The following CAMSAP1 variants were observed in gnomAD, a reference collection of about 807,000 sequenced individuals.
The protein encoded by CAMSAP1 is calmodulin regulated spectrin associated protein 1.
In CAMSAP1, 58 loss-of-function variants were observed where a neutral mutation model predicts 143.5. The observed-to-expected ratio is 0.40, with a 90% CI of 0.33 to 0.50. The LOEUF (loss-of-function observed/expected upper bound fraction) is 0.50. CAMSAP1 is among the 20% of genes least tolerant of loss of function. The probability of loss-of-function intolerance (pLI) is 0.45; values close to 1 mark genes in which losing one functional copy is unlikely to be tolerated. For synonymous variants in CAMSAP1, 945 were observed against 859.3 expected (o/e 1.10, Z -1.74); for missense variants, 1,969 against 2,115.7 (o/e 0.93, Z 1.36).
rs1158047137 is a variant in CAMSAP1, at chr9:135,818,077, C to G, written c.4171G>C (p.Asp1391His). ...CCTGACTGAGTCCGGCTCAAGTTAT[C>G]AGCTGCCAGAGACAGAAACAGACGA... ...DSGTKCSSTP[D>H]NLSRTQSGSS... The change falls in exon 14 of 17, where the codon GAT becomes CAT. Residue 1391 changes from aspartate to histidine, a missense_variant and splice_region_variant. Transcript: ENST00000389532. This position sits in a 1 kb window ranked among gnomAD's most constrained non-coding sequence, Gnocchi z 7.7. 1 of 1,613,676 alleles carries G rather than the reference C, an allele frequency of 6.2e-7. No individual in the cohort carries two copies. Among genetic ancestry groups the G allele is most frequent in the Non-Finnish European group, 8.5e-7 (1 of 1,179,816 alleles).
rs955339567 is a variant in CAMSAP1, at chr9:135,809,512, T to C, written c.*1797A>G. ...GGTAAAGAACAATGTGAAACTCCTA[T>C]AAAGCAAGGAGTTGGTGTCGCCTGG... is the stretch of plus-strand genomic sequence containing the variant. On this transcript the variant is annotated 3_prime_UTR_variant, in exon 17 of 17. Transcript: ENST00000389532. 4 of 152,466 alleles carry C rather than the reference T, an allele frequency of 2.6e-5. No homozygotes were observed. Among genetic ancestry groups the C allele is most frequent in the Non-Finnish European group, 5.9e-5 (4 of 68,034 alleles). The allele number at this position is 152,466 out of a possible 1,614,324, so 9.4% of individuals were successfully genotyped here. A position where few individuals can be genotyped will look rare whatever the true frequency, so the allele number is the denominator to read the frequency against.
At chr9:135,870,906 T>C (rs1837549473) in intron 3 of CAMSAP1, among the ~76,000 whole-genome samples, 3 of 152,240 alleles carry the variant, frequency 2.0e-5, no homozygotes, top group African/African-American at 4.8e-5. Context: ...CATTAATTGA[T>C]GATAGTTTCA....
At chr9:135,893,945 G>C (rs1008633766) in intron 1 of CAMSAP1, among the ~76,000 whole-genome samples, 9 of 152,166 alleles carry the variant, frequency 5.9e-5, no homozygotes, top group African/African-American at 2.2e-4. Context: ...AAGCAAACTG[G>C]CTTAGGGCCT....
intron 5 of CAMSAP1, among the ~76,000 whole-genome samples, chr9:135,853,868 T>A (rs1478542715): frequency 1.3e-5 from 2 of 152,130 alleles, no homozygotes; most frequent in African/African-American, 2.4e-5. Context: ...TCCAATCAAG[T>A]CCCTATGAGG....
chr9:135,869,709 T>C (rs908480959), intron 3 of CAMSAP1, among the ~76,000 whole-genome samples: 2 of 152,024 alleles, frequency 1.3e-5, no homozygotes, highest in Admixed American at 6.5e-5. Context: ...AATGAAAACA[T>C]GTATTCACAC....
intron 1 of CAMSAP1, among the ~76,000 whole-genome samples, chr9:135,903,167 G>A (rs886951927): frequency 6.6e-6 from 1 of 152,186 alleles, no homozygotes; most frequent in African/African-American, 2.4e-5. Flanking sequence ...CTAGTCCAGC[G>A]TGCTATGCGG....
Position 135,861,324 on chromosome 9 carries a change from T to TC in CAMSAP1, c.808+1142dup, listed in dbSNP as rs1303448797. Among the ~76,000 whole-genome samples, 421 of 130,026 alleles carry TC rather than the reference T, an allele frequency of 3.2e-3. 1 individual carries two copies. Among genetic ancestry groups the TC allele is most frequent in the Non-Finnish European group, 4.1e-3 (259 of 62,714 alleles). 85.3% of individuals were successfully genotyped at this position (130,026 alleles called of 152,430 possible). On this transcript the variant is annotated intron_variant, in intron 5 of 16. Transcript: ENST00000389532. ...CTCCTTCTTCCTTTTTTTTTTTTTT[T>TC]CCCCCCGAGACAGAGTCTCGCTCTG...
At chr9:135,881,511 T>C (rs1837947669) in intron 3 of CAMSAP1, 122 bp downstream of exon 3, 3 of 1,154,948 alleles carry the variant, frequency 2.6e-6, no homozygotes, top group Non-Finnish European at 3.7e-6. Flanking sequence ...GGACACAAAA[T>C]ATGACTGGTC....
Position 135,826,236 on chromosome 9 carries a change from A to C in CAMSAP1, c.1223+1171T>G, listed in dbSNP as rs1309795882. On this transcript the variant is annotated intron_variant, in intron 8 of 16. Coordinates refer to ENST00000389532, the MANE Select transcript of CAMSAP1 (RefSeq NM_015447.4). The surrounding 1 kb of genome is among the most constrained non-coding windows in gnomAD (Gnocchi z 4.4). ...CACACGGCTCAACAACAGACACGCA[A>C]AGACCGAAGGGAGGACGCCAAGTGT... 1 of 152,500 alleles carries C rather than the reference A, an allele frequency of 6.6e-6. No homozygotes were observed. The highest frequency in any genetic ancestry group is 1.9e-4 in the East Asian group (1 of 5,186). 9.4% of individuals were successfully genotyped at this position (152,500 alleles called of 1,614,324 possible).
At chr9:135,827,732 A>G in intron 7 of CAMSAP1, 148 bp from the exon 8 acceptor site, 1 of 659,332 alleles carries the variant, frequency 1.5e-6, no homozygotes, top group Admixed American at 3.2e-5. Context: ...TAACAAATGT[A>G]TTCTGTAATA....
At chr9:135,864,931 C>A (rs1029326988) in intron 4 of CAMSAP1, among the ~76,000 whole-genome samples, 2 of 152,182 alleles carry the variant, frequency 1.3e-5, no homozygotes, top group Non-Finnish European at 2.9e-5. Flanking sequence ...CCTGGACCAC[C>A]CAGCTGATGG....
Position 135,819,150 on chromosome 9 carries a change from C to A in CAMSAP1, c.3823-4G>T. 1 of 1,600,090 alleles carries A rather than the reference C, an allele frequency of 6.2e-7. No homozygotes were observed. The highest frequency in any genetic ancestry group is 8.5e-7 in the Non-Finnish European group (1 of 1,174,868). ...CATCTTCCGCTTTCTGTTCATCCTG[C>A]AAGACAGAGGCCACACAGAGCATGA... On this transcript the variant is annotated splice_polypyrimidine_tract_variant and splice_region_variant and intron_variant, in intron 11 of 16. Coordinates refer to ENST00000389532, the MANE Select transcript of CAMSAP1 (RefSeq NM_015447.4).
rs935254231 is a variant in CAMSAP1, at chr9:135,907,444, G to T, written c.-285C>A. On this transcript the variant is annotated 5_prime_UTR_variant, in exon 1 of 17. Transcript: ENST00000389532. ...GCCGGGGGCGGGGGCGGGCGCGGGG[G>T]CGGGAGCGGGCCGGGGGCGGTGGCA... Among the ~76,000 whole-genome samples the T allele has an allele frequency of 6.8e-6, 1 of 146,078 alleles. No individual in the cohort carries two copies. Among genetic ancestry groups the T allele is most frequent in the South Asian group, 2.1e-4 (1 of 4,790 alleles).
Position 135,820,925 on chromosome 9 carries a change from C to T in CAMSAP1, c.3736G>A (p.Glu1246Lys), listed in dbSNP as rs781710864. The T allele has an allele frequency of 5.0e-6, 8 of 1,613,712 alleles. No individual in the cohort carries two copies. Among genetic ancestry groups the T allele is most frequent in the African/African-American group, 1.3e-5 (1 of 74,946 alleles). Residue 1246 changes from glutamate to lysine, a missense_variant, in exon 11 of 17, where the codon GAG (glutamate) becomes AAG (lysine). Physicochemically the swap from Glu to Lys is moderately conservative, Grantham distance 56 (BLOSUM62 1). Transcript: ENST00000389532. The surrounding 1 kb of genome is among the most constrained non-coding windows in gnomAD (Gnocchi z 4.4). The part of the protein sequence containing the change: ...VDLSDLKAPD[E>K]DGELVSLDGS... ...TCGAGGCTTACCAGCTCCCCATCCT[C>T]GTCGGGGGCCTTCAGGTCGGAGAGG... is the stretch of plus-strand genomic sequence containing the variant.
chr9:135,877,193 G>C (rs1485265359), intron 3 of CAMSAP1, among the ~76,000 whole-genome samples: 1 of 151,904 alleles, frequency 6.6e-6, no homozygotes, highest in African/African-American at 2.4e-5. Flanking sequence ...CAATGCCACA[G>C]GTCAATCTCA....
At chr9:135,887,809 T>C (rs763130794) in intron 1 of CAMSAP1, among the ~76,000 whole-genome samples, 12 of 145,288 alleles carry the variant, frequency 8.3e-5, no homozygotes, top group Non-Finnish European at 1.5e-4. Context: ...CAGGGGCCCA[T>C]GGAGACTGGA....
intron 1 of CAMSAP1, among the ~76,000 whole-genome samples, chr9:135,888,979 T>C (rs1388325501): frequency 6.6e-6 from 1 of 152,182 alleles, no homozygotes; most frequent in Non-Finnish European, 1.5e-5. Flanking sequence ...CAGACTTGGC[T>C]TCCAGCCAGA....
In CAMSAP1 at chr9:135,818,260, C is replaced by T; in HGVS notation, c.4168+148G>A. 1 of 1,115,026 alleles carries T rather than the reference C, an allele frequency of 9.0e-7. No individual in the cohort carries two copies. Among genetic ancestry groups the T allele is most frequent in the South Asian group, 1.6e-5 (1 of 64,284 alleles). 69.1% of individuals were successfully genotyped at this position (1,115,026 alleles called of 1,614,324 possible). ...CCGCACATCTCAGAGCATCTGGTCTCAACATTGTCATCCATGAAACGGGGA... is the reference window on the plus strand; with the variant it reads ...CCGCACATCTCAGAGCATCTGGTCTTAACATTGTCATCCATGAAACGGGGA... On this transcript the variant is annotated intron_variant, in intron 13 of 16. Transcript: ENST00000389532. The surrounding 1 kb of genome is among the most constrained non-coding windows in gnomAD (Gnocchi z 7.7).
At chr9:135,896,059 T>C (rs1246627472) in intron 1 of CAMSAP1, among the ~76,000 whole-genome samples, 1 of 152,190 alleles carries the variant, frequency 6.6e-6, no homozygotes, top group Non-Finnish European at 1.5e-5. Flanking sequence ...TTGTTAACAA[T>C]ATAATGTTAT....
Sources: allele counts gnomAD v4.1 joint callset (sites outside exome capture counted in the v4.1 genomes callset), GRCh38; gene constraint gnomAD v4.1.1; non-coding constraint Gnocchi (gnomAD v3.1); transcripts MANE v1.5; gene names NCBI Gene and HGNC (gene_info 2026-07-23, HGNC 2026-07-21).